Variants in ETFB observed in about 807,000 individuals in gnomAD.
The protein encoded by ETFB is electron transfer flavoprotein subunit beta, also known as beta-ETF.
Under a neutral mutation model 25.6 loss-of-function variants are expected in ETFB, and 20 were observed. The ratio of observed to expected loss-of-function variants is 0.78; its 90% CI spans 0.55 to 1.14. ETFB has a LOEUF of 1.14. Among genes scored for constraint, ETFB ranks in the 50% most tolerant of loss-of-function variants. The pLI is 0.00. For synonymous variants in ETFB, 142 were observed against 146.7 expected (o/e 0.97, Z 0.23); for missense variants, 286 against 342.6 (o/e 0.83, Z 1.30).
chr19:51,365,737 T>C (rs557631397), intron 1 of ETFB, among the ~76,000 whole-genome samples: 1 of 152,046 alleles, frequency 6.6e-6, no homozygotes, highest in Non-Finnish European at 1.5e-5. Flanking sequence ...AACACACTTC[T>C]CTCTCCCTAG....
At chr19:51,346,713 T>A in intron 5 of ETFB, 187 bp downstream of exon 5, 1 of 613,308 alleles carries the variant, frequency 1.6e-6, no homozygotes, top group African/African-American at 1.8e-5. Context: ...GCAGCCCCCA[T>A]GAACTCTCAG....
chr19:51,345,450 A>G, intron 5 of ETFB, 69 bp from the exon 6 acceptor site: 2 of 1,511,778 alleles, frequency 1.3e-6, no homozygotes, highest in Non-Finnish European at 1.8e-6. Context: ...CCTCCTTCCC[A>G]TGGGTGCCAG....
At chr19:51,358,527 G>A (rs1986137474) in intron 1 of ETFB, among the ~76,000 whole-genome samples, 1 of 152,014 alleles carries the variant, frequency 6.6e-6, no homozygotes, top group Admixed American at 6.6e-5. Flanking sequence ...AGCTGGGCGT[G>A]GTGGCTCATG....
intron 3 of ETFB, 117 bp from the exon 4 acceptor site, chr19:51,350,508 G>C: frequency 1.5e-6 from 1 of 662,332 alleles, no homozygotes. Flanking sequence ...TTTTTGAGAC[G>C]GAGTCTTGCT....
chr19:51,351,223 C>T (rs1985925964), intron 3 of ETFB, among the ~76,000 whole-genome samples: 1 of 152,214 alleles, frequency 6.6e-6, no homozygotes, highest in South Asian at 2.1e-4. Context: ...AAAGAAGAGT[C>T]AGCCCTGGGA....
chr19:51,349,053 C>T (rs191761066), intron 4 of ETFB, among the ~76,000 whole-genome samples: 40 of 152,208 alleles, frequency 2.6e-4, no homozygotes, highest in Admixed American at 2.4e-3. Flanking sequence ...ACAACCATTC[C>T]GTTTTTTTAG....
intron 4 of ETFB, chr19:51,348,331 GC>G (rs1389620240): frequency 1.3e-5 from 2 of 152,150 alleles, no homozygotes; most frequent in Non-Finnish European, 2.9e-5. Flanking sequence ...CAGGAGAATC[GC>G]TTAAATTCGG....
Position 51,346,952 on chromosome 19 carries a change from G to A in ETFB, c.545C>T (p.Thr182Ile). 6.3e-7 allele frequency: 1 copy of A among 1,595,186 alleles called. No homozygotes were observed. The highest frequency in any genetic ancestry group is 1.1e-5 in the South Asian group (1 of 88,238). Residue 182 changes from threonine to isoleucine, a missense_variant, in exon 5 of 6, where the codon ACA becomes ATA. Physicochemically the swap from Thr to Ile is moderately conservative, Grantham distance 89 (BLOSUM62 -1). Transcript: ENST00000309244. ...TLRLKLPAVV[T>I]ADLRLNEPRY... is the part of the protein sequence containing the mutation. ...GGGCTCGTTGAGCCTCAGGTCAGCTGTCACCACAGCTGGCAGCTTCAGGCG... is the reference window on the plus strand; with the variant it reads ...GGGCTCGTTGAGCCTCAGGTCAGCTATCACCACAGCTGGCAGCTTCAGGCG...
chr19:51,359,526 AGCTCCTGATTCCCAG>A (rs1418806424), intron 1 of ETFB, among the ~76,000 whole-genome samples: 2 of 152,022 alleles, frequency 1.3e-5, no homozygotes, highest in Non-Finnish European at 2.9e-5. Flanking sequence ...CCCAGCCCTA[AGCTCCTGATTCCCAG>A]GCTCCTGACT....
At position 51,354,305 on chromosome 19, in the gene ETFB, G is replaced by C. The variant is rs374288379; in HGVS notation, c.61C>G (p.Arg21Gly). The change falls in exon 2 of 6, where the codon CGA becomes GGA. Residue 21 changes from arginine to glycine, a missense_variant. Physicochemically the swap from Arg to Gly is moderately radical, Grantham distance 125. Coordinates refer to ENST00000309244, the MANE Select transcript of ETFB (RefSeq NM_001985.3). ...ACACCGGTCCTGTCAGGCTTCACTC[G>C]GATCTGCCCAGCAGGAGGGGAAGGG... ...KRVIDYAVKIRVKPDRTGVVT... is the reference protein window; with the variant it reads ...KRVIDYAVKIGVKPDRTGVVT... 1.2e-6 allele frequency: 2 copies of C among 1,614,126 alleles called. No homozygotes were observed. Among genetic ancestry groups the C allele is most frequent in the East Asian group, 2.2e-5 (1 of 44,888 alleles).
In ETFB at chr19:51,353,286, G is replaced by T. The variant is rs1286614299; in HGVS notation, c.221C>A (p.Thr74Lys). 1 of 1,613,940 alleles carries T rather than the reference G, an allele frequency of 6.2e-7. No individual in the cohort carries two copies. Among genetic ancestry groups the T allele is most frequent in the Non-Finnish European group, 8.5e-7 (1 of 1,179,978 alleles). ...ACCCATGGCCAGGGCGGTACGAATC[G>T]TCTCCTGCCAAGGACAGAGGGGCTT... The part of the protein sequence containing the change: ...VSCGPAQCQE[T>K]IRTALAMGAD... The change falls in exon 3 of 6, where the codon ACG becomes AAG. Residue 74 changes from threonine to lysine, a missense_variant. By Grantham distance (78) the Thr-to-Lys change is moderately conservative. Coordinates refer to ENST00000309244, the MANE Select transcript of ETFB (RefSeq NM_001985.3).
In ETFB at chr19:51,366,365, T is replaced by G; in HGVS notation, c.-39A>C. Reference sequence around the variant, plus strand: ...CCACTTACAGGGTCAGCCCGCACCCTCAGCGGCTCAGTCCAGAAGCCCCAC... The same window carrying G: ...CCACTTACAGGGTCAGCCCGCACCCGCAGCGGCTCAGTCCAGAAGCCCCAC... On this transcript the variant is annotated 5_prime_UTR_variant, in exon 1 of 6. Transcript: ENST00000309244. The G allele has an allele frequency of 4.4e-6, 7 of 1,600,360 alleles. No homozygotes were observed. Among genetic ancestry groups the G allele is most frequent in the Non-Finnish European group, 5.1e-6 (6 of 1,173,108 alleles).
rs375911822 is a variant in ETFB at position 51,360,019 on chromosome 19, GA to G, written c.58-5712del. On this transcript the variant is annotated intron_variant, in intron 1 of 5. Coordinates refer to ENST00000309244, the MANE Select transcript of ETFB (RefSeq NM_001985.3). The stretch of plus-strand genomic sequence containing the variant: ...ACAGAGCTAGACCTTGTCTCAAAAA[GA>G]AAAAAAAAAAGTTTTATAATTGAGG... 6.2e-3 allele frequency among the ~76,000 whole-genome samples: 877 copies of G among 140,606 alleles called. 5 individuals are homozygous for G. Among genetic ancestry groups the G allele is most frequent in the African/African-American group, 0.017 (656 of 38,408 alleles). The allele number at this position is 140,606 out of a possible 152,430, so 92.2% of individuals were successfully genotyped here.
rs10409987 is a variant in ETFB at position 51,345,494 on chromosome 19, G to A, written c.598-113C>T. The A allele has an allele frequency of 2.9e-3, 3,152 of 1,072,982 alleles. 59 individuals carry two copies. In the African/African-American group the frequency reaches 0.043, roughly 15 times the overall value. 66.5% of individuals were successfully genotyped at this position (1,072,982 alleles called of 1,614,324 possible). On this transcript the variant is annotated intron_variant, in intron 5 of 5. Coordinates refer to ENST00000309244, the MANE Select transcript of ETFB (RefSeq NM_001985.3). ...ACCAGTCCCATGGGCTGAACCCTCT[G>A]GACCCACCCACTGGCCAGGACACGC...
intron 5 of ETFB, chr19:51,345,680 T>C: frequency 2.2e-6 from 1 of 460,958 alleles, no homozygotes; most frequent in East Asian, 4.4e-5. Context: ...TAGTAATGAC[T>C]CAGTGGACTT....
At chr19:51,356,764 G>A (rs1320683267) in intron 1 of ETFB, 2 of 152,314 alleles carry the variant, frequency 1.3e-5, no homozygotes, top group African/African-American at 4.8e-5. Flanking sequence ...CTGGAGGCCA[G>A]AAGTCCAAAG....
At chr19:51,359,756 A>T (rs1054230672) in intron 1 of ETFB, among the ~76,000 whole-genome samples, 2 of 152,206 alleles carry the variant, frequency 1.3e-5, no homozygotes, top group African/African-American at 4.8e-5. Context: ...ATGATGGCTC[A>T]TGCCTGTAAT....
At chr19:51,352,499 T>G (rs1599841566) in intron 3 of ETFB, among the ~76,000 whole-genome samples, 1 of 151,838 alleles carries the variant, frequency 6.6e-6, no homozygotes, top group Admixed American at 6.6e-5. Flanking sequence ...GCCCAGTCTC[T>G]CCTGCCACAT....
intron 1 of ETFB, among the ~76,000 whole-genome samples, chr19:51,359,522 C>T (rs1029322999): frequency 1.3e-5 from 2 of 152,068 alleles, no homozygotes; most frequent in Non-Finnish European, 2.9e-5. Flanking sequence ...AACTCCCAGC[C>T]CTAAGCTCCT....
Sources: gnomAD v4.1 joint callset for allele counts (sites outside exome capture counted in the v4.1 genomes callset) on GRCh38, gnomAD v4.1.1 for gene constraint, MANE v1.5 for transcripts, NCBI Gene and HGNC (gene_info 2026-07-23, HGNC 2026-07-21) for gene names.